The following PPP1R12B variants were observed in gnomAD, a reference collection of about 807,000 sequenced individuals.
PPP1R12B encodes protein phosphatase 1 regulatory subunit 12B, also known as myosin phosphatase target subunit 2.
A neutral mutation model predicts 126.1 loss-of-function variants in PPP1R12B; 76 were observed. That is an observed-to-expected ratio of 0.60 (90% confidence interval 0.50 to 0.73). The LOEUF (loss-of-function observed/expected upper bound fraction) is 0.73. Ranked by LOEUF, PPP1R12B falls within the 30% of genes least tolerant of loss-of-function variation. PPP1R12B has a pLI of 0.00. For synonymous variants in PPP1R12B, 356 were observed against 434.7 expected (o/e 0.82, Z 2.25); for missense variants, 1,052 against 1,205.1 (o/e 0.87, Z 1.88).
intron 1 of PPP1R12B, among the ~76,000 whole-genome samples, chr1:202,367,550 G>T (rs1659453015): frequency 6.6e-6 from 1 of 152,120 alleles, no homozygotes; most frequent in Non-Finnish European, 1.5e-5. Context: ...AACTCCAGTT[G>T]CTAGGAATAG....
intron 1 of PPP1R12B, among the ~76,000 whole-genome samples, chr1:202,404,432 G>A (rs952502125): frequency 1.3e-5 from 2 of 151,738 alleles, no homozygotes; most frequent in African/African-American, 2.4e-5. Context: ...TCTCTTCATC[G>A]CTGCTGTTTC....
intron 2 of PPP1R12B, among the ~76,000 whole-genome samples, chr1:202,417,920 C>A (rs1235623528): frequency 6.6e-6 from 1 of 152,152 alleles, no homozygotes; most frequent in Non-Finnish European, 1.5e-5. Flanking sequence ...TTGCTGCTGA[C>A]CCAGGGATGC....
intron 10 of PPP1R12B, chr1:202,438,881 C>G (rs1671209945): frequency 7.2e-7 from 1 of 1,397,508 alleles, no homozygotes; most frequent in South Asian, 1.2e-5. Context: ...GCCCCCAGGG[C>G]AGGAGCCCAT....
chr1:202,505,658 G>T (rs2148882998), intron 18 of PPP1R12B, among the ~76,000 whole-genome samples: 1 of 152,216 alleles, frequency 6.6e-6, no homozygotes, highest in African/African-American at 2.4e-5. Flanking sequence ...TGTGGAGTTA[G>T]AACAACAGTT....
intron 1 of PPP1R12B, among the ~76,000 whole-genome samples, chr1:202,389,172 A>G (rs919584736): frequency 1.3e-5 from 2 of 152,182 alleles, no homozygotes; most frequent in Non-Finnish European, 1.5e-5. Flanking sequence ...ATATTTTTAT[A>G]ACTAGGAAGC....
chr1:202,478,678 A>G (rs1676985534), intron 13 of PPP1R12B, among the ~76,000 whole-genome samples: 1 of 152,156 alleles, frequency 6.6e-6, no homozygotes, highest in Non-Finnish European at 1.5e-5. Context: ...ATATGCAGTA[A>G]AATAAAAATG....
rs778504901 is a variant in PPP1R12B at position 202,437,914 on chromosome 1, A to G, written c.1348A>G (p.Met450Val). Reference sequence around the variant, plus strand: ...ACTGAGAAAAACTGGCAGCCACAACATGCTGAGTGAGGTGGCCAATTCCAG... The same window carrying G: ...ACTGAGAAAAACTGGCAGCCACAACGTGCTGAGTGAGGTGGCCAATTCCAG... ...LGLRKTGSHN[M>V]LSEVANSREP... The change falls in exon 10 of 24, where the codon ATG becomes GTG. Residue 450 changes from methionine (M) to valine (V), a missense_variant. Coordinates refer to ENST00000608999, the MANE Select transcript of PPP1R12B (RefSeq NM_002481.4). 6.2e-6 allele frequency: 10 copies of G among 1,613,896 alleles called. No individual in the cohort carries two copies. Among genetic ancestry groups the G allele is most frequent in the Middle Eastern group, 1.6e-4 (1 of 6,084 alleles).
chr1:202,496,679 G>A (rs978797123), intron 17 of PPP1R12B, 102 bp from the exon 18 acceptor site: 4 of 1,036,158 alleles, frequency 3.9e-6, no homozygotes, highest in Non-Finnish European at 5.7e-6. Context: ...CATTGCCCAT[G>A]TTTGAAATGC....
At chr1:202,398,748 T>G (rs1363645223) in intron 1 of PPP1R12B, among the ~76,000 whole-genome samples, 1 of 152,192 alleles carries the variant, frequency 6.6e-6, no homozygotes, top group Non-Finnish European at 1.5e-5. Flanking sequence ...TAATGTCTTA[T>G]GTTGCCCAAG....
intron 18 of PPP1R12B, among the ~76,000 whole-genome samples, chr1:202,499,456 C>T (rs576693639): frequency 9.2e-5 from 14 of 152,176 alleles, no homozygotes; most frequent in Admixed American, 3.3e-4. Flanking sequence ...GGTTTCACCA[C>T]GTTGCCCAGG....
At chr1:202,452,559 C>T (rs554110468) in intron 13 of PPP1R12B, among the ~76,000 whole-genome samples, 19 of 147,706 alleles carry the variant, frequency 1.3e-4, no homozygotes, top group Non-Finnish European at 1.0e-4. Context: ...AGAGGGAGAC[C>T]GTGGGGAGAC....
At chr1:202,364,017 C>T (rs1658700844) in intron 1 of PPP1R12B, among the ~76,000 whole-genome samples, 3 of 152,176 alleles carry the variant, frequency 2.0e-5, no homozygotes, top group Non-Finnish European at 2.9e-5. Flanking sequence ...GCCTTGGCCT[C>T]CCAAAGTGCT....
intron 1 of PPP1R12B, among the ~76,000 whole-genome samples, chr1:202,353,865 G>T (rs997938002): frequency 6.6e-6 from 1 of 151,638 alleles, no homozygotes; most frequent in African/African-American, 2.4e-5. Context: ...CTCCCCCCTC[G>T]GCCTCCCAAA....
At chr1:202,558,518 G>C (rs140501374) in intron 18 of PPP1R12B, 9 of 188,614 alleles carry the variant, frequency 4.8e-5, no homozygotes, top group African/African-American at 2.1e-4. Context: ...ATGTCACATA[G>C]AAAGTCAGTG....
intron 1 of PPP1R12B, among the ~76,000 whole-genome samples, chr1:202,364,600 G>A (rs1224089643): frequency 2.7e-5 from 4 of 150,870 alleles, no homozygotes; most frequent in East Asian, 2.0e-4. Flanking sequence ...TTTTTGAGAC[G>A]GAGTCTTGCT....
intron 18 of PPP1R12B, chr1:202,540,275 G>A (rs192413050): frequency 6.7e-7 from 1 of 1,503,174 alleles, no homozygotes; most frequent in Non-Finnish European, 9.2e-7. Context: ...TATGTTCATA[G>A]CTGTGTCAAA....
Position 202,355,497 on chromosome 1 carries a change from G to A in PPP1R12B, c.291+6355G>A, listed in dbSNP as rs369768661. 3.9e-5 allele frequency among the ~76,000 whole-genome samples: 6 copies of A among 152,340 alleles called. No individual in the cohort carries two copies. In the East Asian group the frequency reaches 9.6e-4, roughly 24 times the overall value. On this transcript the variant is annotated intron_variant, in intron 1 of 23. Transcript: ENST00000608999. ...GCGAATAAATAGGAATGGGTGTGGT[G>A]TGTAGGCAGAGGATGCTAGGAAATC...
intron 18 of PPP1R12B, among the ~76,000 whole-genome samples, chr1:202,539,415 A>G (rs1322703775): frequency 6.6e-6 from 1 of 152,202 alleles, no homozygotes; most frequent in Admixed American, 6.5e-5. Context: ...ATGTCAGAAA[A>G]TAGAAGAGGG....
intron 18 of PPP1R12B, among the ~76,000 whole-genome samples, chr1:202,535,055 A>ATGTGTGTGTGTATG (rs1553315339): frequency 1.7e-4 from 25 of 146,164 alleles, no homozygotes; most frequent in African/African-American, 6.2e-4. Flanking sequence ...GTGTGTGTGT[A>ATGTGTGTGTGTATG]TGTGTGTGTG....
Sources: allele counts gnomAD v4.1 joint callset (sites outside exome capture counted in the v4.1 genomes callset), GRCh38; gene constraint gnomAD v4.1.1; transcripts MANE v1.5; gene names NCBI Gene and HGNC (gene_info 2026-07-23, HGNC 2026-07-21).